BICRA: variants seen among roughly 807,000 people sequenced by gnomAD.
BICRA encodes the protein BRD4 interacting chromatin remodeling complex associated protein, also known as BRD4-interacting chromatin-remodeling complex-associated protein.
Under a neutral mutation model 96.9 loss-of-function variants are expected in BICRA, and 31 were observed. The observed-to-expected ratio is 0.32, with a 90% CI of 0.24 to 0.43. The LOEUF (loss-of-function observed/expected upper bound fraction) is 0.43. BICRA is among the 20% of genes least tolerant of loss of function. The pLI is 1.00. For missense variants in BICRA, 2,283 were observed against 2,190.3 expected (o/e 1.04, Z -0.84); for synonymous variants, 1,350 against 1,071.8 (o/e 1.26, Z -5.07).
chr19:47,693,976 G>C, intron 7 of BICRA, 139 bp from the exon 8 acceptor site: 1 of 999,512 alleles, frequency 1.0e-6, no homozygotes, highest in East Asian at 2.9e-5. Context: ...AGCCGTGGTG[G>C]GCTCCTCTCT....
chr19:47,685,799 G>GCA (rs1555790129), intron 7 of BICRA, among the ~76,000 whole-genome samples: 106 of 148,840 alleles, frequency 7.1e-4, no homozygotes, highest in Middle Eastern at 3.4e-3. Flanking sequence ...GCGCGCGCGC[G>GCA]CATGCGTACA....
chr19:47,668,409 T>A (rs1972814703), intron 1 of BICRA, among the ~76,000 whole-genome samples: 2 of 152,078 alleles, frequency 1.3e-5, no homozygotes, highest in Non-Finnish European at 2.9e-5. Context: ...GGGCCTGATG[T>A]CTTGTTTCAG....
At chr19:47,665,204 C>T (rs899556526) in intron 1 of BICRA, among the ~76,000 whole-genome samples, 4 of 152,208 alleles carry the variant, frequency 2.6e-5, no homozygotes, top group South Asian at 2.1e-4. Flanking sequence ...CCACCAGACA[C>T]ACAGTAGGTG....
chr19:47,697,413 T>G (rs1160152605), intron 11 of BICRA, among the ~76,000 whole-genome samples: 6 of 151,046 alleles, frequency 4.0e-5, no homozygotes, highest in African/African-American at 1.5e-4. Flanking sequence ...AAAAAAAAAT[T>G]TTTTTTTATA....
At chr19:47,649,425 G>C (rs1291175314) in intron 1 of BICRA, among the ~76,000 whole-genome samples, 2 of 152,184 alleles carry the variant, frequency 1.3e-5, no homozygotes, top group Non-Finnish European at 2.9e-5. Context: ...AATTCAAACA[G>C]GAACGTATTG....
At chr19:47,608,207 G>A (rs1168901367), upstream of BICRA, 1 of 152,310 alleles carries the variant, frequency 6.6e-6, no homozygotes, top group Non-Finnish European at 1.5e-5. Context: ...CGCGGCCAGA[G>A]CGGCCGGGGA....
intron 9 of BICRA, 23 bp from the exon 10 acceptor site, chr19:47,695,342 T>TCGGGGGGGGG: frequency 1.6e-6 from 1 of 630,198 alleles, no homozygotes; most frequent in South Asian, 1.9e-5. Flanking sequence ...AGGCCCTGTC[T>TCGGGGGGGGG]CCCCCACCCC....
intron 7 of BICRA, among the ~76,000 whole-genome samples, chr19:47,685,516 T>G (rs973790196): frequency 3.3e-5 from 5 of 151,840 alleles, no homozygotes; most frequent in African/African-American, 1.2e-4. Flanking sequence ...ATGGCATGGG[T>G]GGGTGTGTGA....
At chr19:47,670,920 C>T (rs1014028246) in intron 2 of BICRA, among the ~76,000 whole-genome samples, 4 of 151,978 alleles carry the variant, frequency 2.6e-5, no homozygotes, top group Non-Finnish European at 5.9e-5. Context: ...GGTGAGAGTA[C>T]GTCCTCACCA....
At chr19:47,627,333 C>G (rs1010435252) in intron 1 of BICRA, among the ~76,000 whole-genome samples, 1 of 152,132 alleles carries the variant, frequency 6.6e-6, no homozygotes, top group Non-Finnish European at 1.5e-5. Flanking sequence ...AAGGCCCCTA[C>G]CTTGTTCAGC....
intron 7 of BICRA, among the ~76,000 whole-genome samples, chr19:47,691,002 G>C (rs1973233480): frequency 6.6e-6 from 1 of 152,088 alleles, no homozygotes; most frequent in Non-Finnish European, 1.5e-5. Context: ...TCAAAACTTA[G>C]CAGCTTCAAA....
Position 47,701,726 on chromosome 19 carries a change from C to A in BICRA, c.3994C>A (p.Gln1332Lys). The change falls in exon 15 of 15, where the codon CAG becomes AAG. Residue 1332 changes from glutamine to lysine, a missense_variant. Transcript: ENST00000594866. This position sits in a 1 kb window ranked among gnomAD's most constrained non-coding sequence, Gnocchi z 5.4. ...VHNTALDPVHQPPPPPATLKV... is the reference protein window; with the variant it reads ...VHNTALDPVHKPPPPPATLKV... Reference sequence around the variant, plus strand: ...CAACACGGCCCTGGACCCCGTGCACCAGCCCCCGCCACCCCCCGCTACCCT... The same window carrying A: ...CAACACGGCCCTGGACCCCGTGCACAAGCCCCCGCCACCCCCCGCTACCCT... 6.3e-7 allele frequency: 1 copy of A among 1,575,568 alleles called. No individual in the cohort carries two copies. The highest frequency in any genetic ancestry group is 1.2e-5 in the South Asian group (1 of 86,614).
chr19:47,695,344 C>CGGG, intron 9 of BICRA, 21 bp from the exon 10 acceptor site: 1 of 513,680 alleles, frequency 1.9e-6, no homozygotes, highest in Non-Finnish European at 3.6e-6. Flanking sequence ...GCCCTGTCTC[C>CGGG]CCCACCCCAC....
chr19:47,702,654 C>T lies in BICRA; in HGVS notation c.*239C>T, dbSNP rs1188235132. The T allele has an allele frequency of 3.8e-6, 2 of 522,156 alleles. No homozygotes were observed. The highest frequency in any genetic ancestry group is 3.3e-6 in the Non-Finnish European group (1 of 302,682). 32.3% of individuals were successfully genotyped at this position (522,156 alleles called of 1,614,324 possible). A position where few individuals can be genotyped will look rare whatever the true frequency, so the allele number is the denominator to read the frequency against. On this transcript the variant is annotated 3_prime_UTR_variant, in exon 15 of 15. Coordinates refer to ENST00000594866, the MANE Select transcript of BICRA (RefSeq NM_001394372.1). The stretch of plus-strand genomic sequence containing the variant: ...AACGTCTCCCCTGCCAAAGGAGGGG[C>T]AAAGTGCTGTGTCAGTTCCTGTTTC...
chr19:47,608,260 T>A (rs1313057511), upstream of BICRA: 1 of 152,120 alleles, frequency 6.6e-6, no homozygotes, highest in Non-Finnish European at 1.5e-5. Context: ...GGCGCCGCCG[T>A]GGCTCGACGG....
intron 5 of BICRA, 90 bp downstream of exon 5, chr19:47,676,006 A>T: frequency 1.9e-6 from 1 of 516,326 alleles, no homozygotes; most frequent in Non-Finnish European, 3.5e-6. Flanking sequence ...GCTTGGGCTC[A>T]TCTCGTGAGG....
chr19:47,609,076 G>A (rs1345010231), upstream of BICRA: 1 of 147,834 alleles, frequency 6.8e-6, no homozygotes, highest in South Asian at 2.0e-4. Context: ...TGCGCTGACC[G>A]GCCCGGCCGG....
chr19:47,679,195 CA>C (rs1460613888), intron 5 of BICRA, 125 bp from the exon 6 acceptor site: 2 of 588,548 alleles, frequency 3.4e-6, no homozygotes, highest in Non-Finnish European at 2.7e-6. Context: ...ACCACCATGC[CA>C]GGAGGGAATG....
chr19:47,695,286 A>T (rs1973318313), intron 9 of BICRA, 79 bp from the exon 10 acceptor site: 2 of 807,894 alleles, frequency 2.5e-6, no homozygotes, highest in East Asian at 5.3e-5. Context: ...GGTGGGGTAC[A>T]GGATGGGGCT....
Sources: gnomAD v4.1 joint callset for allele counts (sites outside exome capture counted in the v4.1 genomes callset) on GRCh38, gnomAD v4.1.1 for gene constraint, Gnocchi (gnomAD v3.1) non-coding constraint, MANE v1.5 for transcripts, NCBI Gene and HGNC (gene_info 2026-07-23, HGNC 2026-07-21) for gene names.